The following CCDC150 variants were observed in gnomAD, a reference collection of about 807,000 sequenced individuals.
CCDC150 encodes the protein coiled-coil domain-containing protein 150.
In CCDC150, 151 loss-of-function variants were observed where a neutral mutation model predicts 156.5. The ratio of observed to expected loss-of-function variants is 0.97; its 90% CI spans 0.85 to 1.10. The LOEUF is 1.10. Among genes scored for constraint, CCDC150 ranks in the 50% least tolerant of loss-of-function variants. CCDC150 has a pLI of 0.00. For synonymous variants in CCDC150, 452 were observed against 429.4 expected, an observed-to-expected ratio of 1.05 and a Z score of -0.65; for missense variants, 1,312 against 1,268.1, an observed-to-expected ratio of 1.03 and a Z score of -0.53.
chr2:196,728,113 T>C (rs1698318046), intron 22 of CCDC150: 1 of 151,768 alleles, frequency 6.6e-6, no homozygotes, highest in Admixed American at 6.6e-5. Flanking sequence ...CAGTGAGAAG[T>C]TGGCAGCAGC....
chr2:196,691,002 C>T (rs1280166557), intron 13 of CCDC150, among the ~76,000 whole-genome samples: 1 of 152,068 alleles, frequency 6.6e-6, no homozygotes, highest in South Asian at 2.1e-4. Context: ...TGTGATGAAT[C>T]ACATTTATTG....
Position 196,656,939 on chromosome 2 carries a change from C to A in CCDC150, c.398-19C>A. 6.2e-7 allele frequency: 1 copy of A among 1,612,746 alleles called. No individual in the cohort carries two copies. The highest frequency in any genetic ancestry group is 1.1e-5 in the South Asian group (1 of 90,922). On this transcript the variant is annotated intron_variant, in intron 3 of 27. Coordinates refer to ENST00000389175, the MANE Select transcript of CCDC150 (RefSeq NM_001080539.2). ...ACCTTCTTTCTGCTGCTTGATGCCC[C>A]TCCTGTGCGGTCTGGTAGCTTTTCT...
At chr2:196,682,311 A>T (rs1694884160) in intron 13 of CCDC150, among the ~76,000 whole-genome samples, 1 of 152,062 alleles carries the variant, frequency 6.6e-6, no homozygotes, top group African/African-American at 2.4e-5. Flanking sequence ...TCTTGCATTG[A>T]TCTATATGTC....
chr2:196,732,074 C>T lies in CCDC150; in HGVS notation c.3111C>T (p.His1037=). 1 of 1,613,756 alleles carries T rather than the reference C, an allele frequency of 6.2e-7. No homozygotes were observed. Among genetic ancestry groups the T allele is most frequent in the Admixed American group, 1.7e-5 (1 of 60,008 alleles). The change falls in exon 27 of 28, where the codon CAC becomes CAT. Residue 1037 remains histidine (H), a synonymous_variant. Coordinates refer to ENST00000389175, the MANE Select transcript of CCDC150 (RefSeq NM_001080539.2). ...AAGAAGCTCATCGCTGGTTTAAGCA[C>T]AGGTTTGATGGTCTACAACTTGAGC... is the stretch of plus-strand genomic sequence containing the variant. ...NLEEAHRWFK[H]RFDGLQLELT... is the part of the protein sequence containing the mutation.
intron 6 of CCDC150, 64 bp from the exon 7 acceptor site, chr2:196,666,655 C>CTA: frequency 1.5e-6 from 2 of 1,356,632 alleles, no homozygotes; most frequent in Non-Finnish European, 2.0e-6. Flanking sequence ...TATACATGTG[C>CTA]TATAAGGCAG....
chr2:196,707,291 G>T (rs577907040), intron 15 of CCDC150, among the ~76,000 whole-genome samples: 1 of 152,240 alleles, frequency 6.6e-6, no homozygotes, highest in South Asian at 2.1e-4. Flanking sequence ...TGGTTTATTT[G>T]TGTAGAGGTG....
chr2:196,680,182 G>A lies in CCDC150; in HGVS notation c.1509+2821G>A, dbSNP rs570070701. Among the ~76,000 whole-genome samples the A allele has an allele frequency of 2.0e-5, 3 of 152,008 alleles. No homozygotes were observed. The South Asian group carries it at 6.2e-4, about 32-fold the overall frequency. Reference sequence around the variant, plus strand: ...ACTTTTTGAATTTTTGCCTAACCTAGGATCACCACAATTTTCATTTTTGTT... The same window carrying A: ...ACTTTTTGAATTTTTGCCTAACCTAAGATCACCACAATTTTCATTTTTGTT... On this transcript the variant is annotated intron_variant, in intron 13 of 27. Transcript: ENST00000389175.
At chr2:196,722,819 T>C (rs1697996755) in intron 21 of CCDC150, among the ~76,000 whole-genome samples, 1 of 152,098 alleles carries the variant, frequency 6.6e-6, no homozygotes, top group South Asian at 2.1e-4. Flanking sequence ...GCCTGAAAAT[T>C]ATTTAGGTGA....
intron 1 of CCDC150, among the ~76,000 whole-genome samples, chr2:196,645,513 C>T (rs1474903904): frequency 6.6e-6 from 1 of 152,238 alleles, no homozygotes; most frequent in Non-Finnish European, 1.5e-5. Context: ...AGAGAAATGT[C>T]TGCAGAGAAC....
At position 196,666,793 on chromosome 2, in the gene CCDC150, A is replaced by AT; in HGVS notation, c.837_838insT (p.Gln280SerfsTer17). The AT allele has an allele frequency of 6.2e-7, 1 of 1,612,026 alleles. No homozygotes were observed. Among genetic ancestry groups the AT allele is most frequent in the South Asian group, 1.1e-5 (1 of 90,960 alleles). On this transcript the variant is annotated frameshift_variant, in exon 7 of 28. Coordinates refer to ENST00000389175, the MANE Select transcript of CCDC150 (RefSeq NM_001080539.2). LOFTEE classifies it high-confidence loss of function. ...GCGCTCAAGAACTACTGGCCCAGGA[A>AT]CAAAAAAAAAAAGAAGAGTTGGAGA...
At position 196,674,354 on chromosome 2, in the gene CCDC150, CGTTT is replaced by C; in HGVS notation, c.1137+7_1137+10del. The C allele has an allele frequency of 6.3e-7, 1 of 1,576,620 alleles. No individual in the cohort carries two copies. The highest frequency in any genetic ancestry group is 1.7e-4 in the Middle Eastern group (1 of 5,990). ...ACCATCAGGCCATTCTGCAGGTATT[CGTTT>C]AACATGAAAGCCAACCAGAAAGCCA... On this transcript the variant is annotated splice_region_variant and intron_variant, in intron 10 of 27. Coordinates refer to ENST00000389175, the MANE Select transcript of CCDC150 (RefSeq NM_001080539.2).
rs534725648 is a variant in CCDC150 at position 196,718,649 on chromosome 2, T to C, written c.1995+18T>C. ...ACAAGAAGGCAAGGAATCAGTCCCT[T>C]CTGACCGTCTGTCACTGAGAAGAAG... On this transcript the variant is annotated intron_variant, in intron 18 of 27. Transcript: ENST00000389175. 56 of 1,610,230 alleles carry C rather than the reference T, an allele frequency of 3.5e-5. No homozygotes were observed. In the African/African-American group the frequency reaches 6.1e-4, roughly 18 times the overall value.
rs956162330 is a variant in CCDC150, at chr2:196,726,231, A to C, written c.2556+132A>C. The C allele has an allele frequency of 4.1e-6, 4 of 986,074 alleles. No homozygotes were observed. The African/African-American group carries it at 6.6e-5, about 16-fold the overall frequency. 61.1% of individuals were successfully genotyped at this position (986,074 alleles called of 1,614,324 possible). A position where few individuals can be genotyped will look rare whatever the true frequency, so the allele number is the denominator to read the frequency against. ...TTTGATCAGCAGGCCAGATGTAATTAAGACCTCTCTGTAAAGCAACACACA... is the reference window on the plus strand; with the variant it reads ...TTTGATCAGCAGGCCAGATGTAATTCAGACCTCTCTGTAAAGCAACACACA... On this transcript the variant is annotated intron_variant, in intron 22 of 27. Transcript: ENST00000389175.
intron 2 of CCDC150, among the ~76,000 whole-genome samples, chr2:196,652,971 C>G (rs1330955991): frequency 5.9e-5 from 9 of 152,216 alleles, no homozygotes; most frequent in Non-Finnish European, 1.0e-4. Context: ...ATGGTGAGAG[C>G]TAAAGCAGCC....
In CCDC150 at chr2:196,719,517, A is replaced by G. The variant is rs1334138908; in HGVS notation, c.2016A>G (p.Gln672=). The stretch of plus-strand genomic sequence containing the variant: ...GTTAGGTGGGAAACTTTCAGCGACA[A>G]TTGGCAGAAGCTAAAGAAGACAACT... ...ENKKVGNFQR[Q]LAEAKEDNCK... The change falls in exon 19 of 28, where the codon CAA becomes CAG. Residue 672 remains glutamine (Q), a synonymous_variant. Transcript: ENST00000389175. 3.7e-6 allele frequency: 6 copies of G among 1,610,348 alleles called. No individual in the cohort carries two copies. The highest frequency in any genetic ancestry group is 2.2e-5 in the East Asian group (1 of 44,796).
At chr2:196,681,395 C>T (rs1019464445) in intron 13 of CCDC150, among the ~76,000 whole-genome samples, 1 of 152,136 alleles carries the variant, frequency 6.6e-6, no homozygotes, top group Non-Finnish European at 1.5e-5. Context: ...AGAACATTTA[C>T]ACTGTTTTTA....
At chr2:196,705,073 T>G (rs1291330675) in intron 15 of CCDC150, among the ~76,000 whole-genome samples, 1 of 152,222 alleles carries the variant, frequency 6.6e-6, no homozygotes, top group Non-Finnish European at 1.5e-5. Context: ...TACCCAGTAA[T>G]GGGATGGCTG....
At position 196,729,204 on chromosome 2, in the gene CCDC150, C is replaced by G. The variant is rs747642580; in HGVS notation, c.2568C>G (p.Ala856=). 1 of 1,607,644 alleles carries G rather than the reference C, an allele frequency of 6.2e-7. No homozygotes were observed. The highest frequency in any genetic ancestry group is 8.5e-7 in the Non-Finnish European group (1 of 1,178,044). Residue 856 remains alanine, a synonymous_variant, in exon 23 of 28, where the codon GCC becomes GCG. Transcript: ENST00000389175. ...AQREVAELKK[A]LDEANFRSVE... is the part of the protein sequence containing the mutation. ...CCTTGTGTTTTAAGCTGAAGAAAGC[C>G]CTTGATGAAGCTAACTTCAGATCAG...
At position 196,677,384 on chromosome 2, in the gene CCDC150, A is replaced by G. The variant is rs755382481; in HGVS notation, c.1509+23A>G. 5 of 1,375,668 alleles carry G rather than the reference A, an allele frequency of 3.6e-6. No homozygotes were observed. The South Asian group carries it at 5.0e-5, about 14-fold the overall frequency. The allele number at this position is 1,375,668 out of a possible 1,614,324, so 85.2% of individuals were successfully genotyped here. On this transcript the variant is annotated intron_variant, in intron 13 of 27. Coordinates refer to ENST00000389175, the MANE Select transcript of CCDC150 (RefSeq NM_001080539.2). ...AAGGTATTCTTCATTTTACTTACTG[A>G]TATTTCACTATATTTCCTTCTGTAT...
Sources: allele counts gnomAD v4.1 joint callset (sites outside exome capture counted in the v4.1 genomes callset), GRCh38; gene constraint gnomAD v4.1.1; transcripts MANE v1.5; gene names NCBI Gene and HGNC (gene_info 2026-07-23, HGNC 2026-07-21).